Variants in PTGS1 observed in about 807,000 individuals in gnomAD.
The protein encoded by PTGS1 is prostaglandin-endoperoxide synthase 1.
Under a neutral mutation model 63.0 loss-of-function variants are expected in PTGS1, and 40 were observed. The ratio of observed to expected loss-of-function variants is 0.63; its 90% CI spans 0.49 to 0.83. The LOEUF (loss-of-function observed/expected upper bound fraction) is 0.83. Among genes scored for constraint, PTGS1 ranks in the 40% least tolerant of loss-of-function variants. PTGS1 has a pLI of 0.00. For missense variants in PTGS1, 709 were observed against 786.5 expected, an observed-to-expected ratio of 0.90 and a Z score of 1.18; for synonymous variants, 298 against 301.9, an observed-to-expected ratio of 0.99 and a Z score of 0.13.
intron 8 of PTGS1, among the ~76,000 whole-genome samples, chr9:122,384,415 A>G (rs1300100584): frequency 1.3e-5 from 2 of 152,104 alleles, no homozygotes; most frequent in Non-Finnish European, 2.9e-5. Context: ...TATAGAGCCT[A>G]ATTCACTGGA....
At chr9:122,383,822 G>A (rs1239072961) in intron 8 of PTGS1, 67 bp downstream of exon 8, 2 of 1,567,606 alleles carry the variant, frequency 1.3e-6, no homozygotes, top group Non-Finnish European at 1.7e-6. Flanking sequence ...TGGGGGCGGG[G>A]GGGTACTTAG....
chr9:122,376,443 C>T (rs1006920783), intron 2 of PTGS1, among the ~76,000 whole-genome samples: 12 of 151,304 alleles, frequency 7.9e-5, no homozygotes, highest in African/African-American at 2.9e-4. Flanking sequence ...CTCTGCTGCC[C>T]AGGTCAAGCC....
chr9:122,372,702 G>A (rs1230944001), intron 2 of PTGS1: 1 of 152,272 alleles, frequency 6.6e-6, no homozygotes, highest in African/African-American at 2.4e-5. Flanking sequence ...TTGGTATACA[G>A]GTCCCACCCG....
chr9:122,382,730 C>A (rs1287913228), intron 7 of PTGS1, among the ~76,000 whole-genome samples: 1 of 152,154 alleles, frequency 6.6e-6, no homozygotes, highest in Non-Finnish European at 1.5e-5. Flanking sequence ...GGGCTAAGAA[C>A]AGTACTTGGC....
chr9:122,386,715 C>T lies in PTGS1; in HGVS notation c.1279C>T (p.Arg427Cys), dbSNP rs758379805. 1.8e-5 allele frequency: 29 copies of T among 1,613,966 alleles called. No individual in the cohort carries two copies. The highest frequency in any genetic ancestry group is 3.3e-4 in the Middle Eastern group (2 of 6,078). Residue 427 changes from arginine (R) to cysteine (C), a missense_variant, in exon 9 of 11, where the codon CGC becomes TGC. Transcript: ENST00000362012. ...GVEALVDAFSRQIAGRIGGGR... is the reference protein window; with the variant it reads ...GVEALVDAFSCQIAGRIGGGR... ...TGAGGCCCTGGTGGATGCCTTCTCTCGCCAGATTGCTGGCCGGGTAAGCCC... is the reference window on the plus strand; with the variant it reads ...TGAGGCCCTGGTGGATGCCTTCTCTTGCCAGATTGCTGGCCGGGTAAGCCC...
chr9:122,378,377 G>T (rs1837306077), intron 3 of PTGS1, 56 bp from the exon 4 acceptor site: 2 of 1,606,414 alleles, frequency 1.2e-6, no homozygotes, highest in South Asian at 1.1e-5. Context: ...TTCCACCCTG[G>T]CTACTTCTGG....
intron 8 of PTGS1, among the ~76,000 whole-genome samples, chr9:122,385,366 T>G (rs1317898547): frequency 6.6e-6 from 1 of 152,070 alleles, no homozygotes; most frequent in Non-Finnish European, 1.5e-5. Context: ...AGCCAAGATT[T>G]GAATCCAGGT....
chr9:122,385,596 A>G lies in PTGS1; in HGVS notation c.1010-850A>G, dbSNP rs1332106495. 2.6e-5 allele frequency among the ~76,000 whole-genome samples: 4 copies of G among 152,048 alleles called. No homozygotes were observed. The East Asian group carries it at 5.8e-4, about 22-fold the overall frequency. ...CTTATTTATAAGAATCCTGTTATAT[A>G]AGAACATATAGGAAATATGTTTTTT... On this transcript the variant is annotated intron_variant, in intron 8 of 10. Transcript: ENST00000362012.
intron 5 of PTGS1, among the ~76,000 whole-genome samples, chr9:122,379,547 G>T (rs1837390655): frequency 6.6e-6 from 1 of 152,236 alleles, no homozygotes; most frequent in African/African-American, 2.4e-5. Flanking sequence ...CCAGTCCTGT[G>T]CAGCCTCATG....
chr9:122,383,629 C>G lies in PTGS1; in HGVS notation c.883C>G (p.Pro295Ala). The G allele has an allele frequency of 6.2e-7, 1 of 1,614,186 alleles. No homozygotes were observed. The highest frequency in any genetic ancestry group is 8.5e-7 in the Non-Finnish European group (1 of 1,180,044). ...AVGQEVFGLL[P>A]GLMLYATLWL... ...GGGCCAGGAGGTGTTTGGGCTGCTT[C>G]CTGGGCTCATGCTGTATGCCACGCT... The change falls in exon 8 of 11, where the codon CCT becomes GCT. Residue 295 changes from proline to alanine, a missense_variant. Physicochemically the swap from Pro to Ala is conservative, Grantham distance 27. Coordinates refer to ENST00000362012, the MANE Select transcript of PTGS1 (RefSeq NM_000962.4).
At chr9:122,389,627 A>G (rs554947403) in intron 9 of PTGS1, among the ~76,000 whole-genome samples, 246 of 152,230 alleles carry the variant, frequency 1.6e-3, no homozygotes, top group Non-Finnish European at 2.6e-3. Flanking sequence ...TGTGAGCCAC[A>G]AAAGAGGTCC....
At chr9:122,377,839 C>A (rs1465425882) in intron 2 of PTGS1, 60 bp from the exon 3 acceptor site, 2 of 1,433,108 alleles carry the variant, frequency 1.4e-6, no homozygotes, top group Non-Finnish European at 2.0e-6. Flanking sequence ...CCATCAGGGG[C>A]TAGATGGGGG....
chr9:122,383,547 G>C lies in PTGS1; in HGVS notation c.801G>C (p.Glu267Asp). The C allele has an allele frequency of 6.2e-7, 1 of 1,613,602 alleles. No homozygotes were observed. Among genetic ancestry groups the C allele is most frequent in the Non-Finnish European group, 8.5e-7 (1 of 1,179,550 alleles). ...DGEMYPPSVE[E>D]APVLMHYPRG... is the part of the protein sequence containing the mutation. ...AAATGTACCCGCCCTCGGTAGAAGA[G>C]GCGCCTGTGTTGATGCACTACCCCC... The change falls in exon 8 of 11, where the codon GAG (glutamate) becomes GAC (aspartate). Residue 267 changes from glutamate (E) to aspartate (D), a missense_variant. Physicochemically the swap from Glu to Asp is conservative, Grantham distance 45. Coordinates refer to ENST00000362012, the MANE Select transcript of PTGS1 (RefSeq NM_000962.4).
rs569489597 is a variant in PTGS1 at position 122,391,573 on chromosome 9, G to C, written c.1445-616G>C. Among the ~76,000 whole-genome samples, 317 of 151,236 alleles carry C rather than the reference G, an allele frequency of 2.1e-3. 1 individual carries two copies. The highest frequency in any genetic ancestry group is 7.5e-3 in the African/African-American group (311 of 41,216). ...CAGTGGAGGATGGATTTGAGGAACT[G>C]GGCAGGGAAGCAGGGAAGCTCCATA... On this transcript the variant is annotated intron_variant, in intron 10 of 10. Transcript: ENST00000362012.
At chr9:122,374,699 CT>C (rs1196984853) in intron 2 of PTGS1, among the ~76,000 whole-genome samples, 3 of 152,156 alleles carry the variant, frequency 2.0e-5, no homozygotes, top group Non-Finnish European at 2.9e-5. Context: ...GGTGATCCCC[CT>C]GGGGTCCTGG....
chr9:122,391,398 C>CATATATATATACATATAT (rs1450730275), intron 10 of PTGS1, among the ~76,000 whole-genome samples: 1 of 93,192 alleles, frequency 1.1e-5, no homozygotes, highest in Non-Finnish European at 2.2e-5. Flanking sequence ...TATATATATA[C>CATATATATATACATATAT]ATATATATAT....
chr9:122,377,393 A>G (rs781241784), intron 2 of PTGS1, among the ~76,000 whole-genome samples: 1 of 151,614 alleles, frequency 6.6e-6, no homozygotes, highest in Non-Finnish European at 1.5e-5. Context: ...ATGGTGAGGG[A>G]TCTCGTTTTC....
rs1169302979 is a variant in PTGS1 at position 122,393,353 on chromosome 9, G to C, written c.*809G>C. On this transcript the variant is annotated 3_prime_UTR_variant, in exon 11 of 11. Transcript: ENST00000362012. ...ATCCTCTAAAGCAGAGGCAACACTG[G>C]AACATGGCTAGCCTTTCTTGTAGCC... is the stretch of plus-strand genomic sequence containing the variant. 9 of 152,196 alleles carry C rather than the reference G, an allele frequency of 5.9e-5. No individual in the cohort carries two copies. The highest frequency in any genetic ancestry group is 2.2e-4 in the African/African-American group (9 of 41,444). The allele number at this position is 152,196 out of a possible 1,614,324, so 9.4% of individuals were successfully genotyped here. A position where few individuals can be genotyped will look rare whatever the true frequency, so the allele number is the denominator to read the frequency against.
intron 7 of PTGS1, among the ~76,000 whole-genome samples, chr9:122,383,185 T>C (rs1837629774): frequency 6.6e-6 from 1 of 150,878 alleles, no homozygotes; most frequent in Non-Finnish European, 1.5e-5. Context: ...TTGTTGTTTT[T>C]TTTTTTTTAA....
Sources: gnomAD v4.1 joint callset for allele counts (sites outside exome capture counted in the v4.1 genomes callset) on GRCh38, gnomAD v4.1.1 for gene constraint, MANE v1.5 for transcripts, NCBI Gene and HGNC (gene_info 2026-07-23, HGNC 2026-07-21) for gene names.